C9orf152: variants seen among roughly 807,000 people sequenced by gnomAD.
C9orf152 encodes chromosome 9 open reading frame 152.
Under a neutral mutation model 8.5 loss-of-function variants are expected in C9orf152, and 8 were observed. That is an observed-to-expected ratio of 0.94 (90% CI 0.55 to 1.70). The LOEUF is 1.70. C9orf152 is among the 40% of genes most tolerant of loss of function. The pLI is 0.00. For synonymous variants in C9orf152, 109 were observed against 113.0 expected (o/e 0.96, Z 0.22); for missense variants, 293 against 286.2 (o/e 1.02, Z -0.17).
Position 110,207,712 on chromosome 9 carries a change from A to G in C9orf152, c.-133T>C. The G allele has an allele frequency of 5.0e-6, 3 of 601,142 alleles. No individual in the cohort carries two copies. The highest frequency in any genetic ancestry group is 5.5e-6 in the Non-Finnish European group (2 of 363,682). 37.2% of individuals were successfully genotyped at this position (601,142 alleles called of 1,614,324 possible). A position where few individuals can be genotyped will look rare whatever the true frequency, so the allele number is the denominator to read the frequency against. On this transcript the variant is annotated 5_prime_UTR_variant, in exon 1 of 2. Coordinates refer to ENST00000400613, the MANE Select transcript of C9orf152 (RefSeq NM_001012993.3). ...GTGGAAAGAGGAGTGGGACTGAGGA[A>G]GGAGATAGAAAAATAAGGGGGAAGG...
Position 110,201,191 on chromosome 9 carries a change from C to A in C9orf152, c.477G>T (p.Leu159Phe). The change falls in exon 2 of 2, where the codon TTG (leucine) becomes TTT (phenylalanine). Residue 159 changes from leucine (L) to phenylalanine (F), a missense_variant. Leu to Phe is a conservative substitution (Grantham distance 22). Coordinates refer to ENST00000400613, the MANE Select transcript of C9orf152 (RefSeq NM_001012993.3). Reference sequence around the variant, plus strand: ...GCTGAGTCATCTGATTGGTTTCAAACAAGTGTGTGTCTCCTTCAGGAGGGA... The same window carrying A: ...GCTGAGTCATCTGATTGGTTTCAAAAAAGTGTGTGTCTCCTTCAGGAGGGA... ...QRLPPEGDTH[L>F]FETNQMTQQG... 6.2e-7 allele frequency: 1 copy of A among 1,614,226 alleles called. No homozygotes were observed. The highest frequency in any genetic ancestry group is 1.1e-5 in the South Asian group (1 of 91,088).
In C9orf152 at chr9:110,200,951, C is replaced by G; in HGVS notation, c.717G>C (p.Ala239=). The change falls in exon 2 of 2, where the codon GCG becomes GCC. Residue 239 remains alanine (A), a synonymous_variant. Coordinates refer to ENST00000400613, the MANE Select transcript of C9orf152 (RefSeq NM_001012993.3). ...AARNLGLYGS[A] The stretch of plus-strand genomic sequence containing the variant: ...ACATCTGGCAGAATAGAAAGCTTCA[C>G]GCTGAGCCATATAAGCCCAGGTTCC... The G allele has an allele frequency of 6.2e-7, 1 of 1,602,666 alleles. No individual in the cohort carries two copies. Among genetic ancestry groups the G allele is most frequent in the Non-Finnish European group, 8.5e-7 (1 of 1,175,132 alleles).
chr9:110,203,301 G>A (rs1250064809), intron 1 of C9orf152, among the ~76,000 whole-genome samples: 1 of 152,138 alleles, frequency 6.6e-6, no homozygotes, highest in Admixed American at 6.5e-5. Flanking sequence ...TGGATTACAG[G>A]CGTGAGCCAC....
Position 110,201,275 on chromosome 9 carries a change from G to A in C9orf152, c.393C>T (p.Pro131=), listed in dbSNP as rs765730779. ...LEMHCLVQTS[P]QDTSHQVHHR... Reference sequence around the variant, plus strand: ...GATGTACTTGATGACTGGTGTCCTGGGGGGAGGTTTGGACCAAACAATGCA... The same window carrying A: ...GATGTACTTGATGACTGGTGTCCTGAGGGGAGGTTTGGACCAAACAATGCA... The change falls in exon 2 of 2, where the codon CCC becomes CCT. Residue 131 remains proline, a synonymous_variant. Transcript: ENST00000400613. 13 of 1,613,936 alleles carry A rather than the reference G, an allele frequency of 8.1e-6. No homozygotes were observed. In the Admixed American group the frequency reaches 1.3e-4, roughly 17 times the overall value.
chr9:110,204,493 T>C (rs763632730), intron 1 of C9orf152, among the ~76,000 whole-genome samples: 4 of 152,194 alleles, frequency 2.6e-5, no homozygotes, highest in Non-Finnish European at 4.4e-5. Flanking sequence ...TCACTCTCTC[T>C]TCCTGGGTCT....
chr9:110,201,912 GA>G (rs1289398997), intron 1 of C9orf152, among the ~76,000 whole-genome samples: 1 of 152,140 alleles, frequency 6.6e-6, no homozygotes, highest in African/African-American at 2.4e-5. Context: ...CACTGAAGTG[GA>G]GGAGTAAACT....
rs369380119 is a variant in C9orf152, at chr9:110,201,488, G to A, written c.194-14C>T. ...GTGTGTTTCCTCCTGAAAAGAGAATGCACCAGCAGGGTCATCACTGGAAGG... is the reference window on the plus strand; with the variant it reads ...GTGTGTTTCCTCCTGAAAAGAGAATACACCAGCAGGGTCATCACTGGAAGG... On this transcript the variant is annotated splice_polypyrimidine_tract_variant and intron_variant, in intron 1 of 1. Coordinates refer to ENST00000400613, the MANE Select transcript of C9orf152 (RefSeq NM_001012993.3). 3 of 1,501,616 alleles carry A rather than the reference G, an allele frequency of 2.0e-6. No homozygotes were observed. The highest frequency in any genetic ancestry group is 1.4e-5 in the African/African-American group (1 of 71,550). 93.0% of individuals were successfully genotyped at this position (1,501,616 alleles called of 1,614,324 possible). A position where few individuals can be genotyped will look rare whatever the true frequency, so the allele number is the denominator to read the frequency against.
Position 110,201,319 on chromosome 9 carries a change from A to G in C9orf152, c.349T>C (p.Trp117Arg), listed in dbSNP as rs370004312. 2.5e-6 allele frequency: 4 copies of G among 1,613,264 alleles called. No individual in the cohort carries two copies. The highest frequency in any genetic ancestry group is 3.4e-6 in the Non-Finnish European group (4 of 1,179,594). Residue 117 changes from tryptophan to arginine, a missense_variant, in exon 2 of 2, where the codon TGG becomes CGG. Transcript: ENST00000400613. ...CAATGCATCTCCAGGTGCGTGTGCC[A>G]TGGAGACTTGGGGGCCTGAAGGCAG... Reference protein sequence around the residue: ...QGCLQAPKSPWHTHLEMHCLV... With the variant: ...QGCLQAPKSPRHTHLEMHCLV...
At chr9:110,203,459 G>A (rs912866407) in intron 1 of C9orf152, among the ~76,000 whole-genome samples, 3 of 152,186 alleles carry the variant, frequency 2.0e-5, no homozygotes, top group African/African-American at 7.2e-5. Context: ...GGACAGGCCT[G>A]TTCAGCTGTC....
intron 1 of C9orf152, among the ~76,000 whole-genome samples, chr9:110,201,805 G>A (rs1837225284): frequency 6.6e-6 from 1 of 152,192 alleles, no homozygotes. Flanking sequence ...CTTCCGGGGT[G>A]TGTCCTGGTT....
At position 110,200,953 on chromosome 9, in the gene C9orf152, C is replaced by T. The variant is rs766507473; in HGVS notation, c.715G>A (p.Ala239Thr). The T allele has an allele frequency of 3.1e-6, 5 of 1,604,604 alleles. No individual in the cohort carries two copies. In the South Asian group the frequency reaches 3.4e-5, roughly 11 times the overall value. Residue 239 changes from alanine to threonine, a missense_variant, in exon 2 of 2, where the codon GCG (alanine) becomes ACG (threonine). Transcript: ENST00000400613. ...ATCTGGCAGAATAGAAAGCTTCACG[C>T]TGAGCCATATAAGCCCAGGTTCCGG... The part of the protein sequence containing the change: ...AARNLGLYGS[A>T]
chr9:110,206,713 C>T (rs1220470586), intron 1 of C9orf152, among the ~76,000 whole-genome samples: 1 of 152,252 alleles, frequency 6.6e-6, no homozygotes, highest in African/African-American at 2.4e-5. Flanking sequence ...CAGAATCCCA[C>T]AGAGCCCAGC....
intron 1 of C9orf152, among the ~76,000 whole-genome samples, chr9:110,202,377 T>G (rs914528263): frequency 2.6e-5 from 4 of 152,042 alleles, no homozygotes; most frequent in African/African-American, 9.7e-5. Context: ...GCCACTGCGC[T>G]CGGCTGTGTC....
rs745670115 is a variant in C9orf152, at chr9:110,201,398, G to T, written c.270C>A (p.Ser90=). The change falls in exon 2 of 2, where the codon TCC becomes TCA. Residue 90 remains serine (S), a synonymous_variant. Transcript: ENST00000400613. ...CCACCTCAGAATCTGCCTCTTCCAG[G>T]GACAGTGAGCTTCTTCTCTCCTTGT... ...WINKERRSSL[S]LEEADSEVEG... 1 of 1,576,964 alleles carries T rather than the reference G, an allele frequency of 6.3e-7. No homozygotes were observed. Among genetic ancestry groups the T allele is most frequent in the Admixed American group, 1.9e-5 (1 of 53,966 alleles).
intron 1 of C9orf152, among the ~76,000 whole-genome samples, chr9:110,202,491 A>G (rs572222798): frequency 6.6e-6 from 1 of 152,318 alleles, no homozygotes; most frequent in African/African-American, 2.4e-5. Flanking sequence ...CTCCTAGTCC[A>G]CAGGCACTGC....
rs1427959512 is a variant in C9orf152, at chr9:110,200,703, T to C, written c.*245A>G. 1.5e-5 allele frequency: 6 copies of C among 409,396 alleles called. No individual in the cohort carries two copies. The highest frequency in any genetic ancestry group is 2.6e-5 in the Non-Finnish European group (6 of 233,900). The allele number at this position is 409,396 out of a possible 1,614,324, so 25.4% of individuals were successfully genotyped here. On this transcript the variant is annotated 3_prime_UTR_variant, in exon 2 of 2. Transcript: ENST00000400613. ...CCAGGACCTCATAGTAATGTCAGAA[T>C]GGGGCTGCACTGACCAGACAGTCCT...
rs1335994560 is a variant in C9orf152, at chr9:110,201,412, T to C, written c.256A>G (p.Arg86Gly). 6.4e-7 allele frequency: 1 copy of C among 1,558,506 alleles called. No homozygotes were observed. The highest frequency in any genetic ancestry group is 8.6e-7 in the Non-Finnish European group (1 of 1,157,988). ...GCCTCTTCCAGGGACAGTGAGCTTC[T>C]TCTCTCCTTGTTAATCCAAACAGCA... is the stretch of plus-strand genomic sequence containing the variant. ...VNAVWINKERRSSLSLEEADS... is the reference protein window; with the variant it reads ...VNAVWINKERGSSLSLEEADS... The change falls in exon 2 of 2, where the codon AGA becomes GGA. Residue 86 changes from arginine to glycine, a missense_variant. Coordinates refer to ENST00000400613, the MANE Select transcript of C9orf152 (RefSeq NM_001012993.3).
intron 1 of C9orf152, among the ~76,000 whole-genome samples, chr9:110,203,245 G>C (rs1006475523): frequency 6.6e-6 from 1 of 151,900 alleles, no homozygotes; most frequent in East Asian, 1.9e-4. Context: ...GGATGGTCTC[G>C]ATTTCCTGAC....
At chr9:110,204,611 T>A (rs751175590) in intron 1 of C9orf152, among the ~76,000 whole-genome samples, 1 of 152,226 alleles carries the variant, frequency 6.6e-6, no homozygotes, top group Non-Finnish European at 1.5e-5. Flanking sequence ...AAAATATGTT[T>A]AATTGTGGTA....
Sources: allele counts gnomAD v4.1 joint callset (sites outside exome capture counted in the v4.1 genomes callset), GRCh38; gene constraint gnomAD v4.1.1; transcripts MANE v1.5; gene names NCBI Gene and HGNC (gene_info 2026-07-23, HGNC 2026-07-21).